ZC3H7A: variants seen among roughly 807,000 people sequenced by gnomAD.
ZC3H7A encodes zinc finger CCCH domain-containing protein 7A.
ZC3H7A carries 44 observed loss-of-function variants against 125.5 expected under a neutral mutation model. That is an observed-to-expected ratio of 0.35 (90% CI 0.28 to 0.45). The LOEUF is 0.45. ZC3H7A is among the 20% of genes least tolerant of loss of function. The pLI is 1.00. For synonymous variants in ZC3H7A, 399 were observed against 391.2 expected (o/e 1.02, Z -0.23); for missense variants, 977 against 1,170.7 (o/e 0.83, Z 2.41).
chr16:11,755,394 G>A (rs1157615302), intron 21 of ZC3H7A, among the ~76,000 whole-genome samples: 1 of 152,048 alleles, frequency 6.6e-6, no homozygotes, highest in Non-Finnish European at 1.5e-5. Flanking sequence ...GCGATGGTGG[G>A]CTCAAGATAT....
rs377207336 is a variant in ZC3H7A at position 11,776,432 on chromosome 16, T to G, written c.546+20A>C. 6.2e-7 allele frequency: 1 copy of G among 1,605,588 alleles called. No homozygotes were observed. The highest frequency in any genetic ancestry group is 8.5e-7 in the Non-Finnish European group (1 of 1,177,706). On this transcript the variant is annotated intron_variant, in intron 6 of 22. Transcript: ENST00000355758. ...TCTAAAACAAAATGAAAACACCTTA[T>G]GCAGAGAACTCCAGCTTACCTCAGC... is the stretch of plus-strand genomic sequence containing the variant.
intron 9 of ZC3H7A, among the ~76,000 whole-genome samples, chr16:11,772,797 A>G (rs2053009072): frequency 6.6e-6 from 1 of 151,480 alleles, no homozygotes; most frequent in African/African-American, 2.4e-5. Context: ...CCCGGGCTCA[A>G]GTGATTCTCT....
In ZC3H7A at chr16:11,765,083, G is replaced by T. The variant is rs763769203; in HGVS notation, c.1790C>A (p.Pro597Gln). The T allele has an allele frequency of 3.1e-6, 5 of 1,588,054 alleles. No individual in the cohort carries two copies. Among genetic ancestry groups the T allele is most frequent in the Non-Finnish European group, 4.3e-6 (5 of 1,169,024 alleles). ...GTCTTCAAACTCATGCTTTGTAACC[G>T]GGTGAGAACAAGCAGTAGAATTATC... ...NKDNSTACSHPVTKHEFEDNK... is the reference protein window; with the variant it reads ...NKDNSTACSHQVTKHEFEDNK... The change falls in exon 15 of 23, where the codon CCG becomes CAG. Residue 597 changes from proline to glutamine, a missense_variant. Pro to Gln is a moderately conservative substitution (Grantham distance 76, BLOSUM62 -1). This residue lies in a region of ZC3H7A where 436 missense variants were observed against 603.2 expected (regional missense o/e 0.72). Coordinates refer to ENST00000355758, the MANE Select transcript of ZC3H7A (RefSeq NM_014153.4). This position sits in a 1 kb window ranked among gnomAD's most constrained non-coding sequence, Gnocchi z 4.8.
chr16:11,795,135 A>G (rs1001311804), intron 1 of ZC3H7A, among the ~76,000 whole-genome samples: 1 of 152,200 alleles, frequency 6.6e-6, no homozygotes, highest in African/African-American at 2.4e-5. Flanking sequence ...AGATAGGGAA[A>G]ATTTTTCAAC....
chr16:11,762,647 A>G, intron 17 of ZC3H7A, 24 bp downstream of exon 17: 1 of 1,611,982 alleles, frequency 6.2e-7, no homozygotes, highest in Non-Finnish European at 8.5e-7. Flanking sequence ...CACCAAATGC[A>G]GAAAGTACAC....
intron 1 of ZC3H7A, among the ~76,000 whole-genome samples, chr16:11,788,967 G>A (rs2053305064): frequency 6.6e-6 from 1 of 151,048 alleles, no homozygotes; most frequent in African/African-American, 2.4e-5. Context: ...GTGGTTACAT[G>A]AATTTATGCA....
chr16:11,778,116 T>C (rs1326245944), intron 4 of ZC3H7A, among the ~76,000 whole-genome samples: 2 of 151,786 alleles, frequency 1.3e-5, no homozygotes, highest in East Asian at 2.0e-4. Context: ...GTGAATTCCT[T>C]TGAAGACTAA....
At chr16:11,793,425 C>A (rs1041247871) in intron 1 of ZC3H7A, among the ~76,000 whole-genome samples, 3 of 151,268 alleles carry the variant, frequency 2.0e-5, no homozygotes, top group East Asian at 2.0e-4. Flanking sequence ...GCCAGCTACT[C>A]GGGAGACTGA....
At chr16:11,769,784 CTTT>C (rs200241879) in intron 10 of ZC3H7A, among the ~76,000 whole-genome samples, 9 of 61,616 alleles carry the variant, frequency 1.5e-4, no homozygotes, top group South Asian at 8.9e-4. Context: ...CAATTGCTTT[CTTT>C]TTTTTTTTTT....
intron 3 of ZC3H7A, 66 bp from the exon 4 acceptor site, chr16:11,779,429 A>G: frequency 2.1e-6 from 3 of 1,412,566 alleles, no homozygotes; most frequent in Non-Finnish European, 2.9e-6. Context: ...GTAAATTTTA[A>G]TTTTTATACC....
intron 10 of ZC3H7A, 82 bp from the exon 11 acceptor site, chr16:11,769,177 A>G (rs2052922995): frequency 1.7e-6 from 2 of 1,199,856 alleles, no homozygotes; most frequent in South Asian, 1.5e-5. Context: ...CTTACTGGCT[A>G]TGGCCTCCCA....
At chr16:11,782,147 T>A in intron 2 of ZC3H7A, 140 bp downstream of exon 2, 1 of 900,378 alleles carries the variant, frequency 1.1e-6, no homozygotes. Flanking sequence ...AAGAAAAAAA[T>A]ATTGCTAGAA....
At chr16:11,752,133 T>C (rs1465003339) in intron 22 of ZC3H7A, among the ~76,000 whole-genome samples, 1 of 152,128 alleles carries the variant, frequency 6.6e-6, no homozygotes, top group African/African-American at 2.4e-5. Context: ...CTCGAACTCC[T>C]GGCCTCAAGT....
chr16:11,755,821 C>T (rs1394354801), intron 21 of ZC3H7A, among the ~76,000 whole-genome samples: 1 of 152,088 alleles, frequency 6.6e-6, no homozygotes, highest in Admixed American at 6.5e-5. Context: ...AGACACAGAA[C>T]AGAGAAGGGC....
chr16:11,773,741 G>A (rs1204031640), intron 9 of ZC3H7A, among the ~76,000 whole-genome samples: 2 of 151,726 alleles, frequency 1.3e-5, no homozygotes, highest in Non-Finnish European at 1.5e-5. Context: ...AAATTAGCCA[G>A]GCGTGGTGGC....
intron 22 of ZC3H7A, among the ~76,000 whole-genome samples, chr16:11,751,996 C>G (rs917590217): frequency 2.0e-5 from 3 of 151,606 alleles, no homozygotes; most frequent in Non-Finnish European, 4.4e-5. Flanking sequence ...ACCTCCACCT[C>G]CTGGGTTCAA....
intron 1 of ZC3H7A, among the ~76,000 whole-genome samples, chr16:11,792,783 T>G (rs1370467512): frequency 1.3e-5 from 2 of 152,232 alleles, no homozygotes; most frequent in Non-Finnish European, 2.9e-5. Flanking sequence ...CCTATCCACC[T>G]GGCTCTTCTG....
At chr16:11,755,037 G>C (rs1364864331) in intron 21 of ZC3H7A, among the ~76,000 whole-genome samples, 1 of 150,926 alleles carries the variant, frequency 6.6e-6, no homozygotes, top group African/African-American at 2.4e-5. Context: ...GTGAAACCCC[G>C]TCTCTACCAA....
Position 11,768,776 on chromosome 16 carries a change from A to G in ZC3H7A, c.1173+255T>C, listed in dbSNP as rs1336302715. ...CACACGCTTTACATGCCCCGATCTT[A>G]TATTTCCTTGATTTGTTTATGCTGT... is the stretch of plus-strand genomic sequence containing the variant. On this transcript the variant is annotated intron_variant, in intron 11 of 22. Coordinates refer to ENST00000355758, the MANE Select transcript of ZC3H7A (RefSeq NM_014153.4). Among the ~76,000 whole-genome samples, 4 of 152,262 alleles carry G rather than the reference A, an allele frequency of 2.6e-5. No homozygotes were observed. The East Asian group carries it at 7.7e-4, about 29-fold the overall frequency.
Sources: allele counts gnomAD v4.1 joint callset (sites outside exome capture counted in the v4.1 genomes callset), GRCh38; gene constraint gnomAD v4.1.1; regional missense constraint gnomAD v4.1.1; non-coding constraint Gnocchi (gnomAD v3.1); transcripts MANE v1.5; gene names NCBI Gene and HGNC (gene_info 2026-07-23, HGNC 2026-07-21).